DLGAP1: variants seen among roughly 807,000 people sequenced by gnomAD.
DLGAP1 encodes DLG associated protein 1, also known as disks large-associated protein 1.
A neutral mutation model predicts 90.8 loss-of-function variants in DLGAP1; 11 were observed. The ratio of observed to expected loss-of-function variants is 0.12; its 90% CI spans 0.08 to 0.20. The LOEUF is 0.20. Ranked by LOEUF, DLGAP1 falls within the 10% of genes least tolerant of loss-of-function variation. DLGAP1 has a pLI of 1.00. For missense variants in DLGAP1, 1,050 were observed against 1,333.8 expected (o/e 0.79, Z 3.31); for synonymous variants, 558 against 540.7 (o/e 1.03, Z -0.44).
intron 2 of DLGAP1, among the ~76,000 whole-genome samples, chr18:4,040,921 G>A (rs2074964588): frequency 6.6e-6 from 1 of 152,192 alleles, no homozygotes; most frequent in Non-Finnish European, 1.5e-5. Context: ...TGAGCAACCT[G>A]CCACAGGCCT....
At chr18:4,372,203 C>G (rs1297038712) in intron 1 of DLGAP1, among the ~76,000 whole-genome samples, 1 of 152,130 alleles carries the variant, frequency 6.6e-6, no homozygotes, top group Non-Finnish European at 1.5e-5. Flanking sequence ...GTACACAGAA[C>G]CAGGTATAAA....
chr18:4,178,040 ATTCT>A (rs2077140888), intron 1 of DLGAP1, among the ~76,000 whole-genome samples: 1 of 151,964 alleles, frequency 6.6e-6, no homozygotes, highest in South Asian at 2.1e-4. Flanking sequence ...TTCAAATCCT[ATTCT>A]TTCTATTCAA....
chr18:4,259,723 T>C (rs903557314), intron 1 of DLGAP1, among the ~76,000 whole-genome samples: 1 of 152,180 alleles, frequency 6.6e-6, no homozygotes, highest in Non-Finnish European at 1.5e-5. Flanking sequence ...TGTGTTTTGA[T>C]AGATAATTTA....
chr18:4,255,420 A>C (rs1026778445), intron 1 of DLGAP1, among the ~76,000 whole-genome samples: 7 of 151,570 alleles, frequency 4.6e-5, no homozygotes, highest in South Asian at 2.1e-4. Context: ...CTCTCTCTCT[A>C]TGTTACTCTC....
chr18:4,436,627 C>T (rs2083406117), intron 1 of DLGAP1, among the ~76,000 whole-genome samples: 1 of 152,154 alleles, frequency 6.6e-6, no homozygotes, highest in African/African-American at 2.4e-5. Flanking sequence ...CTGAGATCTA[C>T]ACTTTTTTAA....
At chr18:3,869,961 G>C (rs1329746780) in intron 4 of DLGAP1, among the ~76,000 whole-genome samples, 1 of 152,166 alleles carries the variant, frequency 6.6e-6, no homozygotes, top group Non-Finnish European at 1.5e-5. Flanking sequence ...TGTAGAAATA[G>C]AAGTGCTAAG....
At chr18:3,521,080 T>G (rs1310837170) in intron 10 of DLGAP1, among the ~76,000 whole-genome samples, 1 of 152,158 alleles carries the variant, frequency 6.6e-6, no homozygotes, top group Non-Finnish European at 1.5e-5. Flanking sequence ...CATTCCACTT[T>G]CTCGAATTTG....
intron 1 of DLGAP1, among the ~76,000 whole-genome samples, chr18:4,163,366 G>A (rs193156704): frequency 1.3e-5 from 2 of 152,300 alleles, no homozygotes; most frequent in South Asian, 2.1e-4. Context: ...GTTGAACAAC[G>A]TTGTATATCT....
chr18:4,001,549 C>G (rs928126238), intron 3 of DLGAP1, among the ~76,000 whole-genome samples: 2 of 152,086 alleles, frequency 1.3e-5, no homozygotes, highest in African/African-American at 4.8e-5. Context: ...CTTCCTAGCT[C>G]TAGAGATTTA....
At chr18:3,694,299 TG>T (rs1270105792) in intron 7 of DLGAP1, among the ~76,000 whole-genome samples, 2 of 152,226 alleles carry the variant, frequency 1.3e-5, no homozygotes, top group African/African-American at 4.8e-5. Flanking sequence ...GATGGGCATT[TG>T]GGTTGGTTCC....
At chr18:3,849,233 C>A (rs1020867416) in intron 4 of DLGAP1, among the ~76,000 whole-genome samples, 2 of 152,106 alleles carry the variant, frequency 1.3e-5, no homozygotes, top group Non-Finnish European at 2.9e-5. Flanking sequence ...GGTATTGAGC[C>A]AAGTGATCAT....
rs551727481 is a variant in DLGAP1, at chr18:4,353,792, T to C, written c.-267+101214A>G. Among the ~76,000 whole-genome samples the C allele has an allele frequency of 8.5e-5, 13 of 152,228 alleles. No individual in the cohort carries two copies. The South Asian group carries it at 2.7e-3, about 32-fold the overall frequency. ...CCACTCTGTTTTTCAAGGGGTTTCT[T>C]AATCCTGAAGTTTAGTGTTGGGCTA... On this transcript the variant is annotated intron_variant, in intron 1 of 12. Coordinates refer to ENST00000315677, the MANE Select transcript of DLGAP1 (RefSeq NM_004746.4).
intron 2 of DLGAP1, among the ~76,000 whole-genome samples, chr18:4,125,501 C>T (rs111275820): frequency 6.6e-6 from 1 of 152,082 alleles, no homozygotes; most frequent in Non-Finnish European, 1.5e-5. Context: ...GGCAAAAAGC[C>T]CCAGACTCAG....
chr18:3,935,026 C>T (rs1316241466), intron 3 of DLGAP1, among the ~76,000 whole-genome samples: 2 of 152,202 alleles, frequency 1.3e-5, no homozygotes, highest in Non-Finnish European at 2.9e-5. Context: ...GGAACTGGAA[C>T]AAAATCATCC....
At chr18:4,442,815 TTA>T (rs1168261604) in intron 1 of DLGAP1, among the ~76,000 whole-genome samples, 6 of 152,202 alleles carry the variant, frequency 3.9e-5, no homozygotes, top group Non-Finnish European at 7.4e-5. Flanking sequence ...AAGAAACGCA[TTA>T]TGTTTATTAT....
At chr18:3,876,352 A>G (rs576334478) in intron 4 of DLGAP1, among the ~76,000 whole-genome samples, 1 of 152,208 alleles carries the variant, frequency 6.6e-6, no homozygotes, top group Non-Finnish European at 1.5e-5. Context: ...TTTTACATTT[A>G]ATTCTCTTAC....
intron 5 of DLGAP1, 68 bp downstream of exon 5, chr18:3,813,991 C>T (rs2066967360): frequency 2.0e-6 from 3 of 1,509,590 alleles, no homozygotes; most frequent in Non-Finnish European, 2.8e-6. Context: ...CTAGGAGACA[C>T]ACCATCTGAG....
chr18:3,995,607 G>A (rs1199864831), intron 3 of DLGAP1: 2 of 151,638 alleles, frequency 1.3e-5, no homozygotes, highest in Non-Finnish European at 2.9e-5. Flanking sequence ...CTTGCTATTA[G>A]ACCCCATTTA....
At chr18:3,583,330 C>T (rs2055680761) in intron 7 of DLGAP1, among the ~76,000 whole-genome samples, 1 of 151,384 alleles carries the variant, frequency 6.6e-6, no homozygotes, top group Non-Finnish European at 1.5e-5. Context: ...GTCTTGTCAT[C>T]CTTCCTTTTC....
Sources: allele counts gnomAD v4.1 joint callset (sites outside exome capture counted in the v4.1 genomes callset), GRCh38; gene constraint gnomAD v4.1.1; transcripts MANE v1.5; gene names NCBI Gene and HGNC (gene_info 2026-07-23, HGNC 2026-07-21).